Variants in DCC observed in about 807,000 individuals in gnomAD.
DCC encodes netrin receptor DCC.
Under a neutral mutation model 172.5 loss-of-function variants are expected in DCC, and 58 were observed. The observed-to-expected ratio is 0.34, with a 90% CI of 0.27 to 0.42. The LOEUF is 0.42. DCC is among the 10% of genes least tolerant of loss of function. The pLI is 1.00. For missense variants in DCC, 1,740 were observed against 1,791.0 expected, an observed-to-expected ratio of 0.97 and a Z score of 0.51; for synonymous variants, 709 against 644.5, an observed-to-expected ratio of 1.10 and a Z score of -1.52.
intron 1 of DCC, among the ~76,000 whole-genome samples, chr18:52,742,118 C>T (rs2036830993): frequency 3.3e-5 from 5 of 152,176 alleles, no homozygotes; most frequent in Admixed American, 3.3e-4. Context: ...AGAATGGGAC[C>T]TGCCTTGCTA....
chr18:52,388,507 C>A (rs556797881), intron 1 of DCC, among the ~76,000 whole-genome samples: 2 of 149,162 alleles, frequency 1.3e-5, no homozygotes, highest in Non-Finnish European at 3.0e-5. Flanking sequence ...ATAAGTGCCA[C>A]TTTTTTTTTT....
chr18:52,808,026 T>G lies in DCC; in HGVS notation c.412+55652T>G, dbSNP rs570174742. Reference sequence around the variant, plus strand: ...TTGGCTCTGGGGTTGCTGTGACCGCTAATGCTTTGTGTTGCTAAAACCCAC... The same window carrying G: ...TTGGCTCTGGGGTTGCTGTGACCGCGAATGCTTTGTGTTGCTAAAACCCAC... On this transcript the variant is annotated intron_variant, in intron 2 of 28. Transcript: ENST00000442544. Among the ~76,000 whole-genome samples, 104 of 152,330 alleles carry G rather than the reference T, an allele frequency of 6.8e-4. 1 individual carries two copies. The highest frequency in any genetic ancestry group is 3.4e-3 in the Middle Eastern group (1 of 294).
chr18:52,896,187 G>T (rs1037916410), intron 2 of DCC, among the ~76,000 whole-genome samples: 1 of 151,996 alleles, frequency 6.6e-6, no homozygotes, highest in African/African-American at 2.4e-5. Flanking sequence ...GAGGTTTTTT[G>T]CAACACTGAT....
intron 2 of DCC, among the ~76,000 whole-genome samples, chr18:52,827,964 G>GT (rs376784709): frequency 2.2e-3 from 324 of 147,322 alleles, no homozygotes; most frequent in Admixed American, 3.0e-3. Flanking sequence ...TATAGTAGTA[G>GT]TTTTTTTTTT....
chr18:53,311,283 G>T, intron 13 of DCC, among the ~76,000 whole-genome samples: 1 of 151,932 alleles, frequency 6.6e-6, no homozygotes, highest in South Asian at 2.1e-4. Flanking sequence ...CACCACACCT[G>T]GCTAATTTTT....
intron 12 of DCC, among the ~76,000 whole-genome samples, chr18:53,246,075 G>T (rs2056361669): frequency 6.6e-6 from 1 of 152,002 alleles, no homozygotes; most frequent in Non-Finnish European, 1.5e-5. Flanking sequence ...CCTGAGACTT[G>T]CAATCATCAT....
At chr18:52,852,055 A>T (rs1436431854) in intron 2 of DCC, among the ~76,000 whole-genome samples, 1 of 152,150 alleles carries the variant, frequency 6.6e-6, no homozygotes, top group African/African-American at 2.4e-5. Flanking sequence ...TTTCAATAGC[A>T]ATTCTAGTAC....
At chr18:52,935,539 A>C (rs1408452578) in intron 5 of DCC, among the ~76,000 whole-genome samples, 4 of 152,104 alleles carry the variant, frequency 2.6e-5, no homozygotes, top group African/African-American at 9.6e-5. Context: ...TTCAAAATTG[A>C]TATGGCTTTT....
chr18:52,448,362 C>A (rs1022287336), intron 1 of DCC, among the ~76,000 whole-genome samples: 2 of 152,210 alleles, frequency 1.3e-5, no homozygotes, highest in Admixed American at 1.3e-4. Context: ...TGCTCTAGTC[C>A]AACCTTGAAG....
chr18:53,389,048 T>C (rs1178020587), intron 16 of DCC, among the ~76,000 whole-genome samples: 1 of 152,180 alleles, frequency 6.6e-6, no homozygotes, highest in Non-Finnish European at 1.5e-5. Flanking sequence ...CCTTCCAAAA[T>C]GCTGGGTTTA....
chr18:52,666,285 C>T (rs1568282226), intron 1 of DCC, among the ~76,000 whole-genome samples: 1 of 151,792 alleles, frequency 6.6e-6, no homozygotes, highest in East Asian at 1.9e-4. Flanking sequence ...CAGAGTGAGA[C>T]TCCGTTACAA....
intron 2 of DCC, among the ~76,000 whole-genome samples, chr18:52,790,674 T>G (rs939168442): frequency 2.0e-4 from 30 of 152,182 alleles, no homozygotes; most frequent in Non-Finnish European, 3.7e-4. Context: ...TCCTTTCCTA[T>G]CAACAGTGGT....
chr18:53,362,238 C>A (rs896567421), intron 15 of DCC, among the ~76,000 whole-genome samples: 4 of 152,114 alleles, frequency 2.6e-5, no homozygotes, highest in African/African-American at 9.7e-5. Context: ...TGTTGAATCA[C>A]ATACAGAAAT....
Position 52,869,859 on chromosome 18 carries a change from C to G in DCC, c.413-36185C>G, listed in dbSNP as rs745419280. On this transcript the variant is annotated intron_variant, in intron 2 of 28. Transcript: ENST00000442544. ...GGAGAGGCCAGACGGAGAGAACAGA[C>G]AGCCCCAAGCCTGGGGGGTAAAGGC... Among the ~76,000 whole-genome samples the G allele has an allele frequency of 5.9e-4, 90 of 152,166 alleles. 2 individuals are homozygous for G. Among genetic ancestry groups the G allele is most frequent in the South Asian group, 2.1e-4 (1 of 4,822 alleles).
At chr18:52,608,318 C>G (rs1436289195) in intron 1 of DCC, among the ~76,000 whole-genome samples, 2 of 152,118 alleles carry the variant, frequency 1.3e-5, no homozygotes, top group Non-Finnish European at 2.9e-5. Context: ...TTATATTCAG[C>G]TTGAAATCTT....
At chr18:53,136,849 C>T (rs2043750697) in intron 7 of DCC, among the ~76,000 whole-genome samples, 1 of 152,150 alleles carries the variant, frequency 6.6e-6, no homozygotes, top group Non-Finnish European at 1.5e-5. Flanking sequence ...ACAAATTTTC[C>T]ATGTTTCTAA....
At chr18:53,229,293 T>A (rs1052537261) in intron 12 of DCC, among the ~76,000 whole-genome samples, 6 of 152,168 alleles carry the variant, frequency 3.9e-5, no homozygotes, top group South Asian at 2.1e-4. Flanking sequence ...AATGGGGTAC[T>A]GGAGCCAGGT....
chr18:53,053,003 C>T (rs935573198), intron 5 of DCC, among the ~76,000 whole-genome samples: 5 of 151,836 alleles, frequency 3.3e-5, no homozygotes, highest in Admixed American at 6.6e-5. Context: ...ATTAGTAGAG[C>T]GTGATGGTGT....
intron 12 of DCC, among the ~76,000 whole-genome samples, chr18:53,235,630 A>G (rs1368689810): frequency 6.6e-6 from 1 of 152,154 alleles, no homozygotes; most frequent in African/African-American, 2.4e-5. Flanking sequence ...TATACATAAC[A>G]CAACATTTAC....
Sources: gnomAD v4.1 joint callset for allele counts (sites outside exome capture counted in the v4.1 genomes callset) on GRCh38, gnomAD v4.1.1 for gene constraint, MANE v1.5 for transcripts, NCBI Gene and HGNC (gene_info 2026-07-23, HGNC 2026-07-21) for gene names.